Variants in TNFRSF21 observed in about 807,000 individuals in gnomAD.
TNFRSF21 encodes the protein TNF receptor superfamily member 21.
A neutral mutation model predicts 45.6 loss-of-function variants in TNFRSF21; 19 were observed. That is an observed-to-expected ratio of 0.42 (90% confidence interval 0.29 to 0.61). The LOEUF is 0.61. TNFRSF21 is among the 20% of genes least tolerant of loss of function. The probability of loss-of-function intolerance (pLI) is 0.23; values close to 1 mark genes in which losing one functional copy is unlikely to be tolerated. For synonymous variants in TNFRSF21, 314 were observed against 335.5 expected (o/e 0.94, Z 0.70); for missense variants, 737 against 851.5 (o/e 0.87, Z 1.67).
chr6:47,241,911 T>G (rs1317864121), intron 4 of TNFRSF21, among the ~76,000 whole-genome samples: 6 of 152,166 alleles, frequency 3.9e-5, no homozygotes, highest in Non-Finnish European at 8.8e-5. Context: ...GTGCTTCCAT[T>G]GCATAAGTAG....
intron 1 of TNFRSF21, among the ~76,000 whole-genome samples, chr6:47,306,547 C>T (rs1052474959): frequency 3.9e-5 from 6 of 152,054 alleles, no homozygotes; most frequent in African/African-American, 1.2e-4. Flanking sequence ...CACAAAGATG[C>T]TATGAATAAA....
chr6:47,299,296 G>A (rs1582361843), intron 1 of TNFRSF21, among the ~76,000 whole-genome samples: 3 of 152,144 alleles, frequency 2.0e-5, no homozygotes, highest in Admixed American at 2.0e-4. Flanking sequence ...TTTGAGACCA[G>A]CCAACATGGC....
chr6:47,289,476 A>G (rs953403620), intron 1 of TNFRSF21, among the ~76,000 whole-genome samples: 9 of 152,238 alleles, frequency 5.9e-5, no homozygotes, highest in Non-Finnish European at 1.2e-4. Context: ...CAACAAAAAA[A>G]GGACAGTTGT....
intron 1 of TNFRSF21, among the ~76,000 whole-genome samples, chr6:47,304,744 T>C (rs1190722979): frequency 7.2e-5 from 11 of 152,204 alleles, no homozygotes; most frequent in Non-Finnish European, 1.6e-4. Context: ...TTAAATCCCA[T>C]TTACGAGGAA....
At chr6:47,282,464 G>C (rs1036294255) in intron 3 of TNFRSF21, among the ~76,000 whole-genome samples, 1 of 151,800 alleles carries the variant, frequency 6.6e-6, no homozygotes, top group African/African-American at 2.4e-5. Flanking sequence ...AGCTGTCCTG[G>C]GTCATGGGAT....
chr6:47,274,446 C>A (rs1158406085), intron 3 of TNFRSF21, among the ~76,000 whole-genome samples: 1 of 152,144 alleles, frequency 6.6e-6, no homozygotes, highest in African/African-American at 2.4e-5. Context: ...ATGTAGAAAG[C>A]TGAAACTGGA....
chr6:47,301,670 C>G (rs879717394), intron 1 of TNFRSF21, among the ~76,000 whole-genome samples: 4 of 152,106 alleles, frequency 2.6e-5, no homozygotes, highest in Admixed American at 2.0e-4. Context: ...CCTAGCACTT[C>G]CTTCCCTCTC....
intron 1 of TNFRSF21, among the ~76,000 whole-genome samples, chr6:47,290,100 C>A (rs1428695249): frequency 6.6e-6 from 1 of 152,224 alleles, no homozygotes; most frequent in Non-Finnish European, 1.5e-5. Context: ...CTCTGTACTT[C>A]GTGGCATGTC....
chr6:47,260,856 C>T (rs1765064837), intron 3 of TNFRSF21, among the ~76,000 whole-genome samples: 3 of 152,156 alleles, frequency 2.0e-5, no homozygotes, highest in African/African-American at 7.2e-5. Flanking sequence ...TAAAAAGATT[C>T]AATCACCCCC....
At chr6:47,280,736 A>C (rs1762556047) in intron 3 of TNFRSF21, among the ~76,000 whole-genome samples, 2 of 152,216 alleles carry the variant, frequency 1.3e-5, no homozygotes, top group Admixed American at 1.3e-4. Flanking sequence ...AAGAACGTCT[A>C]AGGTCATTAT....
chr6:47,297,615 T>A (rs553052367), intron 1 of TNFRSF21, among the ~76,000 whole-genome samples: 1 of 150,426 alleles, frequency 6.6e-6, no homozygotes, highest in Non-Finnish European at 1.5e-5. Flanking sequence ...TTCTCCCTCC[T>A]GGGTTCATGC....
chr6:47,278,727 A>G (rs1346338717), intron 3 of TNFRSF21, among the ~76,000 whole-genome samples: 1 of 152,250 alleles, frequency 6.6e-6, no homozygotes, highest in Non-Finnish European at 1.5e-5. Flanking sequence ...ATTGCATCTT[A>G]GAATCCAGTT....
intron 3 of TNFRSF21, among the ~76,000 whole-genome samples, chr6:47,262,740 C>A (rs190471779): frequency 4.6e-5 from 7 of 152,098 alleles, no homozygotes; most frequent in Admixed American, 2.6e-4. Context: ...AGGGTATTGG[C>A]ATGGACAAGG....
rs150393492 is a variant in TNFRSF21, at chr6:47,244,968, T to A, written c.1509+8288A>T. Among the ~76,000 whole-genome samples the A allele has an allele frequency of 2.7e-3, 414 of 152,320 alleles. 6 individuals are homozygous for A. Among genetic ancestry groups the A allele is most frequent in the African/African-American group, 9.8e-3 (407 of 41,562 alleles). Reference sequence around the variant, plus strand: ...CTATTCAACTTTATCCAAATCGGTGTTTTGCCTTTAAAAAGAAAAAGTGAA... The same window carrying A: ...CTATTCAACTTTATCCAAATCGGTGATTTGCCTTTAAAAAGAAAAAGTGAA... On this transcript the variant is annotated intron_variant, in intron 4 of 5. Coordinates refer to ENST00000296861, the MANE Select transcript of TNFRSF21 (RefSeq NM_014452.5).
intron 4 of TNFRSF21, among the ~76,000 whole-genome samples, chr6:47,244,704 A>G (rs916066661): frequency 1.3e-5 from 2 of 152,218 alleles, no homozygotes; most frequent in African/African-American, 4.8e-5. Flanking sequence ...TAGATCGATC[A>G]AAGTTTCCTC....
rs537330543 is a variant in TNFRSF21, at chr6:47,276,005, C to G, written c.1243+7933G>C. 2.7e-4 allele frequency among the ~76,000 whole-genome samples: 41 copies of G among 152,290 alleles called. 1 individual carries two copies. In the South Asian group the frequency reaches 8.3e-3, roughly 31 times the overall value. On this transcript the variant is annotated intron_variant, in intron 3 of 5. Transcript: ENST00000296861. ...GGCACAGATAAATTGTCACACTGAT[C>G]AAAATCTGGTGGCCCTTCTGTGATG...
intron 3 of TNFRSF21, among the ~76,000 whole-genome samples, chr6:47,274,676 G>T (rs1762471596): frequency 6.6e-6 from 1 of 152,116 alleles, no homozygotes; most frequent in Admixed American, 6.5e-5. Flanking sequence ...CACAGCAAAA[G>T]AAACTATCAT....
intron 4 of TNFRSF21, among the ~76,000 whole-genome samples, chr6:47,248,120 T>A (rs1196091712): frequency 1.3e-5 from 2 of 152,336 alleles, no homozygotes; most frequent in East Asian, 3.9e-4. Context: ...CATCATTTTT[T>A]AAGTATCTAT....
intron 3 of TNFRSF21, among the ~76,000 whole-genome samples, chr6:47,279,589 C>T (rs940182325): frequency 2.0e-5 from 3 of 152,208 alleles, no homozygotes; most frequent in Non-Finnish European, 2.9e-5. Flanking sequence ...TGTGAATCCA[C>T]ATAAATCCTT....
Sources: gnomAD v4.1 joint callset for allele counts (sites outside exome capture counted in the v4.1 genomes callset) on GRCh38, gnomAD v4.1.1 for gene constraint, MANE v1.5 for transcripts, NCBI Gene and HGNC (gene_info 2026-07-23, HGNC 2026-07-21) for gene names.